PANK4: variants seen among roughly 807,000 people sequenced by gnomAD.
The protein encoded by PANK4 is pantothenate kinase 4 (inactive), also known as 4'-phosphopantetheine phosphatase.
In PANK4, 40 loss-of-function variants were observed where a neutral mutation model predicts 87.9. The ratio of observed to expected loss-of-function variants is 0.46; its 90% CI spans 0.35 to 0.59. PANK4 has a LOEUF of 0.59. Among genes scored for constraint, PANK4 ranks in the 20% least tolerant of loss-of-function variants. PANK4 has a pLI of 0.00. For synonymous variants in PANK4, 524 were observed against 467.4 expected (o/e 1.12, Z -1.56); for missense variants, 926 against 1,072.3 (o/e 0.86, Z 1.90).
In PANK4 at chr1:2,520,477, C is replaced by A. The variant is rs192463379; in HGVS notation, c.607-63G>T. 1.6e-6 allele frequency: 2 copies of A among 1,217,602 alleles called. No individual in the cohort carries two copies. Among genetic ancestry groups the A allele is most frequent in the African/African-American group, 3.1e-5 (2 of 64,372 alleles). The allele number at this position is 1,217,602 out of a possible 1,614,324, so 75.4% of individuals were successfully genotyped here. On this transcript the variant is annotated intron_variant, in intron 4 of 18. Transcript: ENST00000378466. This position sits in a 1 kb window ranked among gnomAD's most constrained non-coding sequence, Gnocchi z 6.2. The stretch of plus-strand genomic sequence containing the variant: ...CCTCAGCCACACAGGCTCCCCCGCC[C>A]CCCGCCCCATGTGCTGCGCTGGGGT...
At chr1:2,523,848 G>C (rs1408854410) in intron 1 of PANK4, among the ~76,000 whole-genome samples, 3 of 152,260 alleles carry the variant, frequency 2.0e-5, no homozygotes, top group East Asian at 1.9e-4. Context: ...GCAGTGACAG[G>C]AGTGCCTCCT....
intron 1 of PANK4, among the ~76,000 whole-genome samples, chr1:2,522,579 A>C (rs933964328): frequency 6.6e-6 from 1 of 152,188 alleles, no homozygotes; most frequent in East Asian, 1.9e-4. Flanking sequence ...AATTCTTCTA[A>C]GTTAAAAAAA....
rs1166514654 is a variant in PANK4, at chr1:2,519,290, C to T, written c.888G>A (p.Leu296=). 2.9e-5 allele frequency: 47 copies of T among 1,610,930 alleles called. No individual in the cohort carries two copies. Among genetic ancestry groups the T allele is most frequent in the Non-Finnish European group, 4.0e-5 (47 of 1,178,740 alleles). Residue 296 remains leucine (L), a synonymous_variant, in exon 7 of 19, where the codon CTG becomes CTA. Transcript: ENST00000378466. This position sits in a 1 kb window ranked among gnomAD's most constrained non-coding sequence, Gnocchi z 8.3. The part of the protein sequence containing the change: ...FSKEDMAKSL[L]HMISNDIGQL... The stretch of plus-strand genomic sequence containing the variant: ...GCCCAATGTCGTTGCTGATCATGTG[C>T]AGCAGGCTCTTCGCCATGTCTTCTT...
In PANK4 at chr1:2,508,805, C is replaced by T. The variant is rs1276405074; in HGVS notation, c.*42G>A. Reference sequence around the variant, plus strand: ...TTCCCTGTGGTGGTAAAAACACATTCCTGACAAGTGACAAGCAGAAGAGTC... The same window carrying T: ...TTCCCTGTGGTGGTAAAAACACATTTCTGACAAGTGACAAGCAGAAGAGTC... On this transcript the variant is annotated 3_prime_UTR_variant, in exon 19 of 19. Transcript: ENST00000378466. The surrounding 1 kb of genome is among the most constrained non-coding windows in gnomAD (Gnocchi z 5.1). 2 of 1,226,064 alleles carry T rather than the reference C, an allele frequency of 1.6e-6. No homozygotes were observed. The highest frequency in any genetic ancestry group is 2.5e-5 in the South Asian group (2 of 78,718). 75.9% of individuals were successfully genotyped at this position (1,226,064 alleles called of 1,614,324 possible). A position where few individuals can be genotyped will look rare whatever the true frequency, so the allele number is the denominator to read the frequency against.
chr1:2,514,359 C>T lies in PANK4; in HGVS notation c.1482G>A (p.Gln494=). 6.2e-7 allele frequency: 1 copy of T among 1,610,376 alleles called. No homozygotes were observed. The change falls in exon 11 of 19, where the codon CAG becomes CAA. Residue 494 remains glutamine, a synonymous_variant. Coordinates refer to ENST00000378466, the MANE Select transcript of PANK4 (RefSeq NM_018216.4). ...YWNKLQTLRQ[Q]PFAYGTLTVR... is the part of the protein sequence containing the mutation. ...CCGGGGTGCTGGGCACTTACAAGGG[C>T]TGCTGCCTCAGGGTCTGAAGCTTGT...
chr1:2,510,884 G>A lies in PANK4; in HGVS notation c.1834-102C>T. The A allele has an allele frequency of 2.8e-6, 2 of 718,606 alleles. No homozygotes were observed. Among genetic ancestry groups the A allele is most frequent in the Admixed American group, 2.1e-5 (1 of 47,412 alleles). 44.5% of individuals were successfully genotyped at this position (718,606 alleles called of 1,614,324 possible). ...ACGCTGCCCTGCAGGGGCCGAGACT[G>A]GGGGCTTCAGGGCCCCAGAGATGCC... On this transcript the variant is annotated intron_variant, in intron 15 of 18. Coordinates refer to ENST00000378466, the MANE Select transcript of PANK4 (RefSeq NM_018216.4). This position sits in a 1 kb window ranked among gnomAD's most constrained non-coding sequence, Gnocchi z 4.9.
At chr1:2,524,371 T>C (rs986798061) in intron 1 of PANK4, among the ~76,000 whole-genome samples, 1 of 152,138 alleles carries the variant, frequency 6.6e-6, no homozygotes, top group Admixed American at 6.5e-5. Context: ...GGTTCCTGGG[T>C]TGAAGACACC....
chr1:2,520,698 A>G lies in PANK4; in HGVS notation c.606+25T>C, dbSNP rs773081788. 6.2e-7 allele frequency: 1 copy of G among 1,600,358 alleles called. No homozygotes were observed. The highest frequency in any genetic ancestry group is 8.5e-7 in the Non-Finnish European group (1 of 1,170,054). On this transcript the variant is annotated intron_variant, in intron 4 of 18. Coordinates refer to ENST00000378466, the MANE Select transcript of PANK4 (RefSeq NM_018216.4). This position sits in a 1 kb window ranked among gnomAD's most constrained non-coding sequence, Gnocchi z 6.2. Reference sequence around the variant, plus strand: ...CAAACTATGGCTAAACCATCCACTCATTCATTCATGAAGCCGGGTCTTACC... The same window carrying G: ...CAAACTATGGCTAAACCATCCACTCGTTCATTCATGAAGCCGGGTCTTACC...
rs778068949 is a variant in PANK4 at position 2,513,049 on chromosome 1, G to A, written c.1576-10C>T. The A allele has an allele frequency of 3.6e-5, 57 of 1,586,234 alleles. No homozygotes were observed. The highest frequency in any genetic ancestry group is 4.9e-5 in the Non-Finnish European group (57 of 1,162,244). ...TCTCCCGCTGCTTCACCTGTGGAGA[G>A]TGCCAGATGCCAGGCCTGAGTGAAG... On this transcript the variant is annotated splice_polypyrimidine_tract_variant and intron_variant, in intron 12 of 18. Coordinates refer to ENST00000378466, the MANE Select transcript of PANK4 (RefSeq NM_018216.4).
chr1:2,522,673 CTT>C (rs1172552110), intron 1 of PANK4, among the ~76,000 whole-genome samples: 1 of 108,496 alleles, frequency 9.2e-6, no homozygotes, highest in Non-Finnish European at 2.0e-5. Context: ...CAAAATGTGA[CTT>C]TGAGTGCATT....
In PANK4 at chr1:2,508,630, A is replaced by ATATAT; in HGVS notation, c.*216_*217insATATA. 1.8e-5 allele frequency: 6 copies of ATATAT among 342,260 alleles called. No individual in the cohort carries two copies. The highest frequency in any genetic ancestry group is 4.3e-5 in the African/African-American group (2 of 46,338). The allele number at this position is 342,260 out of a possible 1,614,324, so 21.2% of individuals were successfully genotyped here. A position where few individuals can be genotyped will look rare whatever the true frequency, so the allele number is the denominator to read the frequency against. On this transcript the variant is annotated 3_prime_UTR_variant, in exon 19 of 19. Transcript: ENST00000378466. The surrounding 1 kb of genome is among the most constrained non-coding windows in gnomAD (Gnocchi z 5.1). ...TCTCTATTTATATATATATATATAT[A>ATATAT]AAAGGTTCTTTAGCAGTTAAATAGA...
At chr1:2,514,614 GCAGGGTGGGAGCCGGCTGTC>G (rs1643730067) in intron 10 of PANK4, 148 bp from the exon 11 acceptor site, 1 of 481,890 alleles carries the variant, frequency 2.1e-6, no homozygotes, top group African/African-American at 5.8e-5. Context: ...GAGGCCTGGT[GCAGGGTGGGAGCCGGCTGTC>G]GGGGGCTGTT....
Position 2,515,831 on chromosome 1 carries a change from C to T in PANK4, c.1219-114G>A. 9.3e-7 allele frequency: 1 copy of T among 1,080,416 alleles called. No homozygotes were observed. Among genetic ancestry groups the T allele is most frequent in the Non-Finnish European group, 1.3e-6 (1 of 744,396 alleles). The allele number at this position is 1,080,416 out of a possible 1,614,324, so 66.9% of individuals were successfully genotyped here. Reference sequence around the variant, plus strand: ...AAGGGAGATGTACTGCCTTCTTCCGCCACGTCTCTGGGCCACAGACGAGAC... The same window carrying T: ...AAGGGAGATGTACTGCCTTCTTCCGTCACGTCTCTGGGCCACAGACGAGAC... On this transcript the variant is annotated intron_variant, in intron 9 of 18. Coordinates refer to ENST00000378466, the MANE Select transcript of PANK4 (RefSeq NM_018216.4). This position sits in a 1 kb window ranked among gnomAD's most constrained non-coding sequence, Gnocchi z 5.0.
intron 1 of PANK4, among the ~76,000 whole-genome samples, chr1:2,525,009 T>G (rs891917881): frequency 6.6e-6 from 1 of 152,150 alleles, no homozygotes; most frequent in African/African-American, 2.4e-5. Context: ...TTCTCATACC[T>G]GGCACCAGGC....
In PANK4 at chr1:2,520,557, G is replaced by T; in HGVS notation, c.607-143C>A. ...GGAGGACTCTCATGGCCAAGCCTGG[G>T]GGCGCTGATGCCCCTCCCACAGAGG... On this transcript the variant is annotated intron_variant, in intron 4 of 18. Coordinates refer to ENST00000378466, the MANE Select transcript of PANK4 (RefSeq NM_018216.4). The surrounding 1 kb of genome is among the most constrained non-coding windows in gnomAD (Gnocchi z 6.2). 9.9e-7 allele frequency: 1 copy of T among 1,010,996 alleles called. No homozygotes were observed. Among genetic ancestry groups the T allele is most frequent in the East Asian group, 2.5e-5 (1 of 40,248 alleles). 62.6% of individuals were successfully genotyped at this position (1,010,996 alleles called of 1,614,324 possible).
rs780993278 is a variant in PANK4 at position 2,510,130 on chromosome 1, C to T, written c.1966G>A (p.Ala656Thr). Residue 656 changes from alanine to threonine, a missense_variant, in exon 17 of 19, where the codon GCC becomes ACC. Physicochemically the swap from Ala to Thr is moderately conservative, Grantham distance 58. Transcript: ENST00000378466. The surrounding 1 kb of genome is among the most constrained non-coding windows in gnomAD (Gnocchi z 4.9). The stretch of plus-strand genomic sequence containing the variant: ...TCGCTGTGGGTCACGTCGTTCAGGG[C>T]GGGGCCTGAGTTGCACGCCAGGATG... ...EVILACNSGPALNDVTHSESL... is the reference protein window; with the variant it reads ...EVILACNSGPTLNDVTHSESL... 4.4e-6 allele frequency: 7 copies of T among 1,608,724 alleles called. No individual in the cohort carries two copies. The highest frequency in any genetic ancestry group is 1.3e-5 in the African/African-American group (1 of 74,920).
Position 2,520,223 on chromosome 1 carries a change from C to A in PANK4, c.699+99G>T. On this transcript the variant is annotated intron_variant, in intron 5 of 18. Transcript: ENST00000378466. The surrounding 1 kb of genome is among the most constrained non-coding windows in gnomAD (Gnocchi z 6.2). The stretch of plus-strand genomic sequence containing the variant: ...CCACTGACGCGAGTCAGGAGGGAGG[C>A]CCGGAAGCAGCTTTTGCACCGCCCA... 8.8e-7 allele frequency: 1 copy of A among 1,140,782 alleles called. No individual in the cohort carries two copies. Among genetic ancestry groups the A allele is most frequent in the Non-Finnish European group, 1.3e-6 (1 of 762,390 alleles). The allele number at this position is 1,140,782 out of a possible 1,614,324, so 70.7% of individuals were successfully genotyped here. A position where few individuals can be genotyped will look rare whatever the true frequency, so the allele number is the denominator to read the frequency against.
In PANK4 at chr1:2,521,794, G is replaced by C. The variant is rs777910341; in HGVS notation, c.131C>G (p.Ser44Trp). The C allele has an allele frequency of 9.3e-6, 15 of 1,613,610 alleles. No individual in the cohort carries two copies. The highest frequency in any genetic ancestry group is 2.2e-5 in the South Asian group (2 of 91,070). The change falls in exon 2 of 19, where the codon TCG (serine) becomes TGG (tryptophan). Residue 44 changes from serine (S) to tryptophan (W), a missense_variant. Physicochemically the swap from Ser to Trp is radical, Grantham distance 177. Coordinates refer to ENST00000378466, the MANE Select transcript of PANK4 (RefSeq NM_018216.4). ...AKRFAIDIGG[S>W]LTKLAYYSTV... The stretch of plus-strand genomic sequence containing the variant: ...TGAATAGTAGGCCAGCTTGGTTAAC[G>C]ACCCGCCTGCAGGGGAGACACAAAC...
In PANK4 at chr1:2,509,166, C is replaced by G; in HGVS notation, c.2109-106G>C. 1 of 881,762 alleles carries G rather than the reference C, an allele frequency of 1.1e-6. No individual in the cohort carries two copies. 54.6% of individuals were successfully genotyped at this position (881,762 alleles called of 1,614,324 possible). ...AGGCTGAAACCCCTACCGCTCAATT[C>G]CCTGATGTGGAGGCCTCCAAACCCA... On this transcript the variant is annotated intron_variant, in intron 18 of 18. Coordinates refer to ENST00000378466, the MANE Select transcript of PANK4 (RefSeq NM_018216.4). The surrounding 1 kb of genome is among the most constrained non-coding windows in gnomAD (Gnocchi z 4.9).
Sources: gnomAD v4.1 joint callset for allele counts (sites outside exome capture counted in the v4.1 genomes callset) on GRCh38, gnomAD v4.1.1 for gene constraint, Gnocchi (gnomAD v3.1) non-coding constraint, MANE v1.5 for transcripts, NCBI Gene and HGNC (gene_info 2026-07-23, HGNC 2026-07-21) for gene names.